CABIN1: variants seen among roughly 807,000 people sequenced by gnomAD.
CABIN1 encodes calcineurin-binding protein cabin-1.
CABIN1 carries 133 observed loss-of-function variants against 227.7 expected under a neutral mutation model. That is an observed-to-expected ratio of 0.58 (90% CI 0.51 to 0.67). The LOEUF is 0.67. Ranked by LOEUF, CABIN1 falls within the 30% of genes least tolerant of loss-of-function variation. The pLI, the probability that CABIN1 is intolerant of heterozygous loss-of-function variation, is 0.00. For missense variants in CABIN1, 2,408 were observed against 2,852.5 expected, an observed-to-expected ratio of 0.84 and a Z score of 3.55; for synonymous variants, 1,086 against 1,155.1, an observed-to-expected ratio of 0.94 and a Z score of 1.21.
chr22:24,122,694 C>T (rs2043490093), intron 28 of CABIN1, among the ~76,000 whole-genome samples: 1 of 151,604 alleles, frequency 6.6e-6, no homozygotes, highest in Non-Finnish European at 1.5e-5. Flanking sequence ...GGCGAAAGAC[C>T]AAAACTCCCT....
chr22:24,069,755 A>G (rs2039953673), intron 16 of CABIN1, among the ~76,000 whole-genome samples: 1 of 150,300 alleles, frequency 6.7e-6, no homozygotes, highest in South Asian at 2.1e-4. Context: ...GGATTTATAA[A>G]TTGGGGGGGG....
chr22:24,019,401 ATTAC>A (rs2035547348), intron 1 of CABIN1, among the ~76,000 whole-genome samples: 1 of 151,228 alleles, frequency 6.6e-6, no homozygotes, highest in East Asian at 2.0e-4. Context: ...AAGTGCTGGG[ATTAC>A]AGGCGTGAGC....
At chr22:24,065,527 A>G (rs1370425083) in intron 15 of CABIN1, among the ~76,000 whole-genome samples, 9 of 146,880 alleles carry the variant, frequency 6.1e-5, no homozygotes, top group African/African-American at 2.3e-4. Context: ...CAGACTGGGC[A>G]GCCAGGCAGA....
intron 18 of CABIN1, among the ~76,000 whole-genome samples, chr22:24,075,459 A>G (rs952031929): frequency 3.3e-5 from 5 of 152,204 alleles, no homozygotes; most frequent in Non-Finnish European, 7.3e-5. Flanking sequence ...AGGTAGACCT[A>G]AATCTAAGAA....
At chr22:24,172,069 A>T in intron 34 of CABIN1, 74 bp downstream of exon 34, 1 of 1,525,762 alleles carries the variant, frequency 6.6e-7, no homozygotes, top group South Asian at 1.2e-5. Flanking sequence ...GGAGAGTGTG[A>T]GTATGGGTAA....
chr22:24,164,285 G>T (rs1429985023), intron 29 of CABIN1, 115 bp from the exon 30 acceptor site: 4 of 1,305,660 alleles, frequency 3.1e-6, no homozygotes, highest in Non-Finnish European at 4.4e-6. Context: ...GAAGCCCCTG[G>T]CTGGGCAGTG....
chr22:24,036,760 A>G (rs2036924958), intron 3 of CABIN1, among the ~76,000 whole-genome samples: 1 of 152,154 alleles, frequency 6.6e-6, no homozygotes, highest in Admixed American at 6.5e-5. Context: ...CCTGAAATAA[A>G]CATATGCCTT....
At chr22:24,018,679 C>T (rs1165582509) in intron 1 of CABIN1, among the ~76,000 whole-genome samples, 1 of 152,032 alleles carries the variant, frequency 6.6e-6, no homozygotes, top group Non-Finnish European at 1.5e-5. Flanking sequence ...ATTATGAAGG[C>T]TTTGTACAGT....
intron 1 of CABIN1, among the ~76,000 whole-genome samples, chr22:24,015,527 G>A (rs2035210234): frequency 6.6e-6 from 1 of 151,356 alleles, no homozygotes; most frequent in African/African-American, 2.4e-5. Flanking sequence ...TGTATTTTTA[G>A]TAGAGACGGG....
intron 16 of CABIN1, among the ~76,000 whole-genome samples, chr22:24,069,607 G>A (rs2039944418): frequency 6.6e-6 from 1 of 152,168 alleles, no homozygotes; most frequent in African/African-American, 2.4e-5. Context: ...CATGTTGGGT[G>A]TTTTGACCAG....
Position 24,126,930 on chromosome 22 carries a change from C to T in CABIN1, c.4632+7232C>T, listed in dbSNP as rs1363723170. ...AGGAGAATCGCTTGAACCTGGGAGG[C>T]AGAGGTTGCAGTGAGCCAAGGTCGT... On this transcript the variant is annotated intron_variant, in intron 28 of 36. Coordinates refer to ENST00000263119, the MANE Select transcript of CABIN1 (RefSeq NM_012295.4). Among the ~76,000 whole-genome samples, 10 of 149,684 alleles carry T rather than the reference C, an allele frequency of 6.7e-5. No individual in the cohort carries two copies. In the East Asian group the frequency reaches 1.6e-3, roughly 23 times the overall value.
chr22:24,176,950 G>A (rs2047149328), intron 35 of CABIN1, among the ~76,000 whole-genome samples: 1 of 152,234 alleles, frequency 6.6e-6, no homozygotes, highest in Non-Finnish European at 1.5e-5. Context: ...AGCCAGGCCA[G>A]CCGGGTCCTC....
rs569058490 is a variant in CABIN1 at position 24,042,806 on chromosome 22, G to T, written c.346-98G>T. On this transcript the variant is annotated intron_variant, in intron 5 of 36. Coordinates refer to ENST00000263119, the MANE Select transcript of CABIN1 (RefSeq NM_012295.4). ...TCCCGTCCCCGGGGTGCATATTCAAGGAGAGATCTGACTGTGTGTGTGTGT... is the reference window on the plus strand; with the variant it reads ...TCCCGTCCCCGGGGTGCATATTCAATGAGAGATCTGACTGTGTGTGTGTGT... The T allele has an allele frequency of 2.0e-4, 231 of 1,143,522 alleles. No homozygotes were observed. The Middle Eastern group carries it at 2.8e-3, about 14-fold the overall frequency. 70.8% of individuals were successfully genotyped at this position (1,143,522 alleles called of 1,614,324 possible). A position where few individuals can be genotyped will look rare whatever the true frequency, so the allele number is the denominator to read the frequency against.
intron 29 of CABIN1, among the ~76,000 whole-genome samples, chr22:24,158,228 G>C (rs2045952432): frequency 6.6e-6 from 1 of 152,170 alleles, no homozygotes; most frequent in Admixed American, 6.5e-5. Context: ...GGGGCTAGGA[G>C]GGCCCAGGAA....
chr22:24,175,735 G>A, intron 34 of CABIN1: 1 of 353,104 alleles, frequency 2.8e-6, no homozygotes, highest in Non-Finnish European at 5.4e-6. Flanking sequence ...CCTCGTTTCT[G>A]AATGCTGCTT....
chr22:24,071,056 CCTT>C lies in CABIN1; in HGVS notation c.2475+17_2475+19del, dbSNP rs2040049783. 2 of 1,614,218 alleles carry C rather than the reference CCTT, an allele frequency of 1.2e-6. No homozygotes were observed. The highest frequency in any genetic ancestry group is 2.2e-5 in the East Asian group (1 of 44,888). On this transcript the variant is annotated intron_variant, in intron 17 of 36. Coordinates refer to ENST00000263119, the MANE Select transcript of CABIN1 (RefSeq NM_012295.4). ...AACCTCATCCAGGTAACCCCTGGCT[CCTT>C]CTCACCCTGCCCTGCCCCAGCAGGT...
intron 24 of CABIN1, among the ~76,000 whole-genome samples, chr22:24,094,729 A>G (rs539002263): frequency 9.9e-4 from 147 of 148,632 alleles, no homozygotes; most frequent in Non-Finnish European, 1.8e-3. Context: ...AGGCAGGAGA[A>G]TGGCGTGAAC....
At chr22:24,166,114 G>C (rs913858574) in intron 31 of CABIN1, among the ~76,000 whole-genome samples, 6 of 152,220 alleles carry the variant, frequency 3.9e-5, no homozygotes, top group Non-Finnish European at 5.9e-5. Flanking sequence ...GCTTATGCCT[G>C]GTAGGGCTGG....
chr22:24,091,926 TC>T, intron 24 of CABIN1, 83 bp downstream of exon 24: 1 of 1,554,644 alleles, frequency 6.4e-7, no homozygotes, highest in African/African-American at 1.4e-5. Flanking sequence ...GGCTCAAGGT[TC>T]CAGTGACCGT....
Sources: gnomAD v4.1 joint callset for allele counts (sites outside exome capture counted in the v4.1 genomes callset) on GRCh38, gnomAD v4.1.1 for gene constraint, MANE v1.5 for transcripts, NCBI Gene and HGNC (gene_info 2026-07-23, HGNC 2026-07-21) for gene names.